Variants in ACACB observed in about 807,000 individuals in gnomAD.
ACACB encodes the protein acetyl-CoA carboxylase 2.
A neutral mutation model predicts 278.8 loss-of-function variants in ACACB; 209 were observed. That is an observed-to-expected ratio of 0.75 (90% CI 0.67 to 0.84). The LOEUF is 0.84. ACACB is among the 40% of genes least tolerant of loss of function. ACACB has a pLI of 0.00. For missense variants in ACACB, 2,850 were observed against 3,269.0 expected (o/e 0.87, Z 3.13); for synonymous variants, 1,174 against 1,285.6 (o/e 0.91, Z 1.86).
At position 109,268,137 on chromosome 12, in the gene ACACB, G is replaced by A. The variant is rs375442623; in HGVS notation, c.*1775G>A. The A allele has an allele frequency of 5.9e-5, 9 of 152,240 alleles. No individual in the cohort carries two copies. Among genetic ancestry groups the A allele is most frequent in the African/African-American group, 1.7e-4 (7 of 41,452 alleles). 9.4% of individuals were successfully genotyped at this position (152,240 alleles called of 1,614,324 possible). On this transcript the variant is annotated 3_prime_UTR_variant, in exon 53 of 53. Transcript: ENST00000338432. The surrounding 1 kb of genome is among the most constrained non-coding windows in gnomAD (Gnocchi z 4.2). Reference sequence around the variant, plus strand: ...GGGAAGGCCCTCTTGGTTTTGGAGAGAAAGACAAGTTATGAGTAGCTGCTA... The same window carrying A: ...GGGAAGGCCCTCTTGGTTTTGGAGAAAAAGACAAGTTATGAGTAGCTGCTA...
At chr12:109,139,264 A>AC in intron 1 of ACACB, 133 bp from the exon 2 acceptor site, 1 of 791,980 alleles carries the variant, frequency 1.3e-6, no homozygotes, top group South Asian at 1.9e-5. Flanking sequence ...AGGGAGGAGA[A>AC]CCCCATCTCT....
chr12:109,140,252 T>C (rs4766495), intron 2 of ACACB, among the ~76,000 whole-genome samples, 194 bp downstream of exon 2: 1 of 122,504 alleles, frequency 8.2e-6, no homozygotes, highest in Non-Finnish European at 1.8e-5. Context: ...CCTTCCTTCC[T>C]TCCATCCTTC....
At chr12:109,259,701 G>T (rs1156341907) in intron 47 of ACACB, among the ~76,000 whole-genome samples, 3 of 152,234 alleles carry the variant, frequency 2.0e-5, no homozygotes, top group Non-Finnish European at 4.4e-5. Flanking sequence ...ACCTGGGCAG[G>T]CACCTCCCCA....
At chr12:109,260,994 C>A (rs1406805287) in intron 48 of ACACB, among the ~76,000 whole-genome samples, 1 of 152,234 alleles carries the variant, frequency 6.6e-6, no homozygotes, top group East Asian at 1.9e-4. Context: ...GTGCCTTACT[C>A]TCCTGGTAGG....
chr12:109,125,021 C>G (rs975136037), intron 1 of ACACB, among the ~76,000 whole-genome samples: 4 of 152,110 alleles, frequency 2.6e-5, no homozygotes, highest in Non-Finnish European at 5.9e-5. Flanking sequence ...GCCCAACTCT[C>G]ATTGTTCTCT....
intron 19 of ACACB, among the ~76,000 whole-genome samples, chr12:109,203,962 A>C (rs1453079100): frequency 6.6e-6 from 1 of 152,140 alleles, no homozygotes; most frequent in Non-Finnish European, 1.5e-5. Context: ...GTAAAAAAAA[A>C]ATTTAAAAAT....
chr12:109,126,117 G>T (rs188015356), intron 1 of ACACB, among the ~76,000 whole-genome samples: 4 of 152,324 alleles, frequency 2.6e-5, no homozygotes, highest in Admixed American at 2.0e-4. Context: ...TCACAGCACA[G>T]CAGGGGGAGA....
intron 24 of ACACB, 33 bp from the exon 25 acceptor site, chr12:109,222,474 A>G (rs757770725): frequency 6.3e-7 from 1 of 1,599,478 alleles, no homozygotes; most frequent in Non-Finnish European, 8.6e-7. Flanking sequence ...GGGCTGGAGA[A>G]AAGCCATTTG....
At chr12:109,152,165 AAT>A (rs1480751278) in intron 2 of ACACB, among the ~76,000 whole-genome samples, 1 of 152,202 alleles carries the variant, frequency 6.6e-6, no homozygotes, top group Admixed American at 6.5e-5. Context: ...GGGTTTTTGC[AAT>A]AGAGAATAAA....
chr12:109,172,382 T>C, intron 6 of ACACB, 26 bp downstream of exon 6: 1 of 1,606,316 alleles, frequency 6.2e-7, no homozygotes, highest in Non-Finnish European at 8.5e-7. Context: ...ATCAGATACA[T>C]GGGAATTGGG....
intron 2 of ACACB, among the ~76,000 whole-genome samples, chr12:109,163,776 A>G (rs1027379116): frequency 1.3e-5 from 2 of 152,092 alleles, no homozygotes; most frequent in Non-Finnish European, 2.9e-5. Context: ...CAGCCTCTCA[A>G]GTAGCTGGGA....
intron 1 of ACACB, among the ~76,000 whole-genome samples, chr12:109,119,401 C>G (rs577726325): frequency 4.0e-4 from 61 of 151,440 alleles, no homozygotes; most frequent in Non-Finnish European, 7.4e-4. Flanking sequence ...ACCAACCTGG[C>G]CAACATGGTG....
In ACACB at chr12:109,265,419, G is replaced by C; in HGVS notation, c.7144G>C (p.Val2382Leu). The C allele has an allele frequency of 6.2e-7, 1 of 1,613,868 alleles. No homozygotes were observed. ...AYLWDNNQVV[V>L]QWLEQHWQAG... is the part of the protein sequence containing the mutation. ...CTTGTGGGACAACAACCAGGTGGTTGTGCAGTGGCTGGAACAGCACTGGCA... is the reference window on the plus strand; with the variant it reads ...CTTGTGGGACAACAACCAGGTGGTTCTGCAGTGGCTGGAACAGCACTGGCA... Residue 2382 changes from valine to leucine, a missense_variant, in exon 52 of 53, where the codon GTG (valine) becomes CTG (leucine). Physicochemically the swap from Val to Leu is conservative, Grantham distance 32. This residue lies in a region of ACACB where 579 missense variants were observed against 684.6 expected (regional missense o/e 0.85). Transcript: ENST00000338432.
chr12:109,239,700 G>A (rs2046738253), intron 34 of ACACB, 130 bp from the exon 35 acceptor site: 2 of 1,116,460 alleles, frequency 1.8e-6, no homozygotes, highest in East Asian at 5.3e-5. Flanking sequence ...TGCTGTTCTT[G>A]CCTGGCACAC....
Position 109,254,429 on chromosome 12 carries a change from G to GGA in ACACB, c.6166+96_6166+97insAG. On this transcript the variant is annotated intron_variant, in intron 44 of 52. Coordinates refer to ENST00000338432, the MANE Select transcript of ACACB (RefSeq NM_001093.4). ...CTTTGTCTCAAGCGCTTGAGACAAA[G>GGA]GCTTGATATTCGTTCTCATATCCCA... 1.7e-5 allele frequency: 22 copies of GGA among 1,258,908 alleles called. No individual in the cohort carries two copies. In the African/African-American group the frequency reaches 2.8e-4, roughly 16 times the overall value. The allele number at this position is 1,258,908 out of a possible 1,614,324, so 78.0% of individuals were successfully genotyped here. A position where few individuals can be genotyped will look rare whatever the true frequency, so the allele number is the denominator to read the frequency against.
chr12:109,169,142 CAAAA>C (rs34104231), intron 4 of ACACB, among the ~76,000 whole-genome samples: 5 of 105,832 alleles, frequency 4.7e-5, no homozygotes, highest in East Asian at 5.6e-4. Context: ...GAGACTGTCT[CAAAA>C]AAAAAAAAAA....
In ACACB at chr12:109,250,032, G is replaced by C; in HGVS notation, c.5718G>C (p.Glu1906Asp). The C allele has an allele frequency of 6.2e-7, 1 of 1,613,728 alleles. No homozygotes were observed. Among genetic ancestry groups the C allele is most frequent in the Non-Finnish European group, 8.5e-7 (1 of 1,179,842 alleles). The change falls in exon 41 of 53, where the codon GAG (glutamate) becomes GAC (aspartate). Residue 1906 changes from glutamate to aspartate, a missense_variant. Transcript: ENST00000338432. The part of the protein sequence containing the change: ...IIGKDDGLGV[E>D]NLRGSGMIAG... ...GGAAGGATGATGGCTTGGGCGTGGAGAATCTGAGGGGCTCAGGCATGATTG... is the reference window on the plus strand; with the variant it reads ...GGAAGGATGATGGCTTGGGCGTGGACAATCTGAGGGGCTCAGGCATGATTG...
At chr12:109,200,851 C>T (rs1159976326) in intron 18 of ACACB, among the ~76,000 whole-genome samples, 4 of 152,218 alleles carry the variant, frequency 2.6e-5, no homozygotes, top group South Asian at 2.1e-4. Context: ...ATTCAATCCT[C>T]GTAAGAGCCC....
chr12:109,144,622 T>C (rs1485773464), intron 2 of ACACB, among the ~76,000 whole-genome samples: 1 of 152,020 alleles, frequency 6.6e-6, no homozygotes, highest in Non-Finnish European at 1.5e-5. Context: ...TTCTGTAAAA[T>C]AGAATGGGTC....
Sources: gnomAD v4.1 joint callset for allele counts (sites outside exome capture counted in the v4.1 genomes callset) on GRCh38, gnomAD v4.1.1 for gene constraint, gnomAD v4.1.1 regional missense constraint, Gnocchi (gnomAD v3.1) non-coding constraint, MANE v1.5 for transcripts, NCBI Gene and HGNC (gene_info 2026-07-23, HGNC 2026-07-21) for gene names.